The following ARHGEF37 variants were observed in gnomAD, a reference collection of about 807,000 sequenced individuals.
ARHGEF37 encodes the protein Rho guanine nucleotide exchange factor 37.
A neutral mutation model predicts 71.1 loss-of-function variants in ARHGEF37; 55 were observed. The observed-to-expected ratio is 0.77, with a 90% CI of 0.62 to 0.97. The LOEUF is 0.97. Among genes scored for constraint, ARHGEF37 ranks in the 50% least tolerant of loss-of-function variants. The pLI, the probability that ARHGEF37 is intolerant of heterozygous loss-of-function variation, is 0.00. For synonymous variants in ARHGEF37, 327 were observed against 350.6 expected, an observed-to-expected ratio of 0.93 and a Z score of 0.75; for missense variants, 765 against 836.8, an observed-to-expected ratio of 0.91 and a Z score of 1.06.
At chr5:149,554,648 T>G (rs1762728867) in intron 1 of ARHGEF37, among the ~76,000 whole-genome samples, 1 of 73,922 alleles carries the variant, frequency 1.4e-5, no homozygotes, top group African/African-American at 6.3e-5. Context: ...GGCAAAATTG[T>G]TTTTTTTTTT....
Position 149,632,285 on chromosome 5 carries a change from G to C in ARHGEF37, c.*94G>C. ...AAGAAGCAAAGGAAAGGTGGAGGTG[G>C]AAGGGAAGACCAGGCCAGGGTGGGT... On this transcript the variant is annotated 3_prime_UTR_variant, in exon 13 of 13. Coordinates refer to ENST00000333677, the MANE Select transcript of ARHGEF37 (RefSeq NM_001001669.3). 7.0e-7 allele frequency: 1 copy of C among 1,433,510 alleles called. No individual in the cohort carries two copies. The highest frequency in any genetic ancestry group is 9.5e-7 in the Non-Finnish European group (1 of 1,053,970). 88.8% of individuals were successfully genotyped at this position (1,433,510 alleles called of 1,614,324 possible).
intron 3 of ARHGEF37, 121 bp from the exon 4 acceptor site, chr5:149,609,427 T>C (rs1764008299): frequency 1.8e-6 from 2 of 1,105,808 alleles, no homozygotes; most frequent in Non-Finnish European, 1.3e-6. Context: ...CATGGTGACA[T>C]GCTGGTAAAC....
chr5:149,552,167 G>A (rs1762684933), intron 1 of ARHGEF37: 1 of 80,926 alleles, frequency 1.2e-5, no homozygotes, highest in African/African-American at 4.8e-5. Flanking sequence ...GGAATCAACA[G>A]AAAATTAATT....
chr5:149,581,843 G>A (rs1219807780), intron 1 of ARHGEF37, among the ~76,000 whole-genome samples: 1 of 152,192 alleles, frequency 6.6e-6, no homozygotes, highest in Non-Finnish European at 1.5e-5. Flanking sequence ...CGTTTTACAG[G>A]TGGGAAACTG....
At chr5:149,570,808 G>A (rs1263892264) in intron 1 of ARHGEF37, among the ~76,000 whole-genome samples, 42 of 151,680 alleles carry the variant, frequency 2.8e-4, no homozygotes, top group African/African-American at 9.7e-4. Context: ...CCCGGGAGGC[G>A]GAGGTTGCAG....
Position 149,634,275 on chromosome 5 carries a change from T to C in ARHGEF37, c.*2084T>C, listed in dbSNP as rs1752968828. The C allele has an allele frequency of 6.6e-6, 1 of 152,188 alleles. No individual in the cohort carries two copies. The highest frequency in any genetic ancestry group is 2.4e-5 in the African/African-American group (1 of 41,446). The allele number at this position is 152,188 out of a possible 1,614,324, so 9.4% of individuals were successfully genotyped here. On this transcript the variant is annotated 3_prime_UTR_variant, in exon 13 of 13. Transcript: ENST00000333677. ...GGACAGATAGACCTGGTGCCAGAGA[T>C]GGCCATGAGCTGTAAGCTAGGACGT...
intron 11 of ARHGEF37, among the ~76,000 whole-genome samples, chr5:149,627,614 G>A (rs1270273195): frequency 6.6e-6 from 1 of 152,254 alleles, no homozygotes; most frequent in African/African-American, 2.4e-5. Context: ...GGACCACCCT[G>A]AAAGATGGAG....
chr5:149,634,570 G>T lies in ARHGEF37; in HGVS notation c.*2379G>T, dbSNP rs970452476. 2 of 152,626 alleles carry T rather than the reference G, an allele frequency of 1.3e-5. No homozygotes were observed. Among genetic ancestry groups the T allele is most frequent in the Non-Finnish European group, 2.9e-5 (2 of 68,044 alleles). 9.5% of individuals were successfully genotyped at this position (152,626 alleles called of 1,614,324 possible). ...CCAGGGGATAAGATTAAAAGTCACT[G>T]AAGAGTGGGAAAATGCATGTTGAGA... On this transcript the variant is annotated 3_prime_UTR_variant, in exon 13 of 13. Transcript: ENST00000333677.
At chr5:149,630,261 G>A (rs1002896317) in intron 12 of ARHGEF37, among the ~76,000 whole-genome samples, 11 of 152,158 alleles carry the variant, frequency 7.2e-5, no homozygotes, top group South Asian at 2.1e-4. Flanking sequence ...GTCCATGAGC[G>A]GGGAAGAAGT....
chr5:149,566,109 G>T (rs1400956705), intron 1 of ARHGEF37, among the ~76,000 whole-genome samples: 1 of 151,558 alleles, frequency 6.6e-6, no homozygotes, highest in Non-Finnish European at 1.5e-5. Flanking sequence ...GCCGCCCAAA[G>T]TGCTGGGATT....
intron 10 of ARHGEF37, among the ~76,000 whole-genome samples, chr5:149,624,546 G>C (rs559072173): frequency 1.2e-3 from 187 of 152,300 alleles, no homozygotes; most frequent in Admixed American, 5.3e-3. Context: ...GGCCGAGGTG[G>C]GTGGATCACT....
chr5:149,620,566 A>C, intron 8 of ARHGEF37, 102 bp downstream of exon 8: 78 of 882,980 alleles, frequency 8.8e-5, no homozygotes, highest in Non-Finnish European at 1.2e-4. Context: ...GTGGTGGCTC[A>C]CGCCTGTAAT....
chr5:149,557,181 C>A (rs947230863), intron 1 of ARHGEF37, among the ~76,000 whole-genome samples: 6 of 152,178 alleles, frequency 3.9e-5, no homozygotes, highest in Non-Finnish European at 7.3e-5. Context: ...GGACTTCGAA[C>A]AGAAGCCATT....
At chr5:149,558,060 G>A (rs1561780894) in intron 1 of ARHGEF37, among the ~76,000 whole-genome samples, 1 of 152,046 alleles carries the variant, frequency 6.6e-6, no homozygotes, top group African/African-American at 2.4e-5. Context: ...GAGATGGGCA[G>A]AGACGGGGTT....
intron 11 of ARHGEF37, 85 bp from the exon 12 acceptor site, chr5:149,628,724 A>C: frequency 6.8e-7 from 1 of 1,467,444 alleles, no homozygotes; most frequent in Non-Finnish European, 9.1e-7. Context: ...CTGTGTTGGA[A>C]ACATTTATAT....
At chr5:149,611,290 G>C (rs373501794) in intron 4 of ARHGEF37, among the ~76,000 whole-genome samples, 26 of 152,320 alleles carry the variant, frequency 1.7e-4, no homozygotes, top group African/African-American at 6.0e-4. Flanking sequence ...GATTGGGGGA[G>C]GAATAATAGC....
chr5:149,610,328 A>G lies in ARHGEF37; in HGVS notation c.458+633A>G, dbSNP rs565830129. Among the ~76,000 whole-genome samples the G allele has an allele frequency of 5.3e-4, 81 of 152,328 alleles. 1 individual carries two copies. The Middle Eastern group carries it at 0.027, about 51-fold the overall frequency. ...TGAAGTCCTGCCACATGGAAAAGGG[A>G]GAGTATCACCAGTCCGTGGTGGACT... On this transcript the variant is annotated intron_variant, in intron 4 of 12. Transcript: ENST00000333677.
At chr5:149,554,082 C>T (rs561993812) in intron 1 of ARHGEF37, among the ~76,000 whole-genome samples, 3 of 152,178 alleles carry the variant, frequency 2.0e-5, no homozygotes, top group Admixed American at 6.5e-5. Context: ...GCATGAGAAT[C>T]GCTTGAACTG....
At chr5:149,603,292 T>C (rs1486239354) in intron 3 of ARHGEF37, among the ~76,000 whole-genome samples, 1 of 152,220 alleles carries the variant, frequency 6.6e-6, no homozygotes, top group Non-Finnish European at 1.5e-5. Context: ...CGCTAAGCAC[T>C]GTTCTTATGT....
Sources: allele counts gnomAD v4.1 joint callset (sites outside exome capture counted in the v4.1 genomes callset), GRCh38; gene constraint gnomAD v4.1.1; transcripts MANE v1.5; gene names NCBI Gene and HGNC (gene_info 2026-07-23, HGNC 2026-07-21).